Variants in HIVEP3 observed in about 807,000 individuals in gnomAD.
HIVEP3 encodes the protein HIVEP zinc finger 3, also known as transcription factor HIVEP3.
Under a neutral mutation model 152.8 loss-of-function variants are expected in HIVEP3, and 49 were observed. The observed-to-expected ratio is 0.32, with a 90% CI of 0.26 to 0.41. The LOEUF (loss-of-function observed/expected upper bound fraction) is 0.41, where lower values mean the gene tolerates loss of function less well. Among genes scored for constraint, HIVEP3 ranks in the 10% least tolerant of loss-of-function variants. HIVEP3 has a pLI of 1.00. For synonymous variants in HIVEP3, 1,269 were observed against 1,289.0 expected, an observed-to-expected ratio of 0.98 and a Z score of 0.33; for missense variants, 2,790 against 3,103.3, an observed-to-expected ratio of 0.90 and a Z score of 2.40.
chr1:41,691,292 C>T (rs903753789), intron 2 of HIVEP3, among the ~76,000 whole-genome samples: 2 of 152,066 alleles, frequency 1.3e-5, no homozygotes, highest in African/African-American at 4.8e-5. Context: ...ATCATATGTA[C>T]CTACTGTAAA....
At chr1:41,734,001 T>C (rs1646880026) in intron 1 of HIVEP3, among the ~76,000 whole-genome samples, 1 of 151,056 alleles carries the variant, frequency 6.6e-6, no homozygotes. Flanking sequence ...TCCATTCCCC[T>C]TCCTGCCTGG....
intron 1 of HIVEP3, among the ~76,000 whole-genome samples, chr1:41,840,598 C>T (rs562197280): frequency 1.1e-4 from 16 of 152,282 alleles, no homozygotes; most frequent in South Asian, 2.1e-4. Context: ...ATGGCAGCCA[C>T]GAGAAATTAA....
chr1:41,927,367 G>A (rs1463676252), intron 1 of HIVEP3, among the ~76,000 whole-genome samples: 1 of 152,050 alleles, frequency 6.6e-6, no homozygotes, highest in Non-Finnish European at 1.5e-5. Flanking sequence ...GTTCTCTTGT[G>A]GCAACCCATA....
At chr1:41,925,276 T>A (rs979314022) in intron 1 of HIVEP3, among the ~76,000 whole-genome samples, 1 of 152,204 alleles carries the variant, frequency 6.6e-6, no homozygotes, top group Non-Finnish European at 1.5e-5. Context: ...AATTCATGTA[T>A]AACTTTTGAC....
chr1:41,796,486 G>A (rs1390990767), intron 1 of HIVEP3, among the ~76,000 whole-genome samples: 1 of 152,246 alleles, frequency 6.6e-6, no homozygotes, highest in African/African-American at 2.4e-5. Flanking sequence ...TAAAATGAGG[G>A]GTTAAATTAG....
At chr1:41,824,784 T>TAGAGAGAGAGAGAGAGAGAG (rs397979993) in intron 1 of HIVEP3, among the ~76,000 whole-genome samples, 1 of 11,394 alleles carries the variant, frequency 8.8e-5, no homozygotes, top group Non-Finnish European at 1.6e-4. Context: ...TATATATATA[T>TAGAGAGAGAGAGAGAGAGAG]AGAGAGAGAG....
intron 7 of HIVEP3, among the ~76,000 whole-genome samples, chr1:41,516,606 G>A (rs1245670040): frequency 6.6e-6 from 1 of 152,202 alleles, no homozygotes; most frequent in Non-Finnish European, 1.5e-5. Context: ...CCACGGCACA[G>A]GCCAGAGGAC....
At position 41,510,948 on chromosome 1, in the gene HIVEP3, C is replaced by T. The variant is rs769169032; in HGVS notation, c.6724G>A (p.Gly2242Ser). The change falls in exon 9 of 9, where the codon GGC becomes AGC. Residue 2242 changes from glycine to serine, a missense_variant. Around this residue, in one of 9 missense-constraint regions of HIVEP3, gnomAD observed 816 missense variants for 806.5 expected, o/e 1.01. Coordinates refer to ENST00000372583, the MANE Select transcript of HIVEP3 (RefSeq NM_024503.5). ...LTGAREAQER[G>S]RWSPTESSSA... ...GAGCTCTCAGTGGGACTCCAGCGGC[C>T]TCGCTCCTGGGCCTCCCGGGCCCCT... The T allele has an allele frequency of 2.5e-6, 4 of 1,613,580 alleles. No individual in the cohort carries two copies. The highest frequency in any genetic ancestry group is 2.7e-5 in the African/African-American group (2 of 75,038).
chr1:42,017,223 A>G (rs1405065409), intron 1 of HIVEP3, among the ~76,000 whole-genome samples: 8 of 152,100 alleles, frequency 5.3e-5, no homozygotes, highest in African/African-American at 1.2e-4. Flanking sequence ...TTAATTGTGG[A>G]CCTTTCATTT....
At chr1:41,766,801 C>T (rs936374671) in intron 1 of HIVEP3, among the ~76,000 whole-genome samples, 1 of 152,178 alleles carries the variant, frequency 6.6e-6, no homozygotes, top group African/African-American at 2.4e-5. Context: ...TAATGGACTC[C>T]AACATACCTC....
At chr1:41,617,448 G>A (rs1644986024) in intron 3 of HIVEP3, among the ~76,000 whole-genome samples, 1 of 152,176 alleles carries the variant, frequency 6.6e-6, no homozygotes, top group Non-Finnish European at 1.5e-5. Flanking sequence ...CAACCCCTGG[G>A]GTGGTTGAGG....
chr1:41,736,057 G>A (rs1422116184), intron 1 of HIVEP3, among the ~76,000 whole-genome samples: 1 of 152,162 alleles, frequency 6.6e-6, no homozygotes, highest in Non-Finnish European at 1.5e-5. Context: ...CCTTTTCCAT[G>A]CTCAATGAGG....
chr1:41,510,989 C>T lies in HIVEP3; in HGVS notation c.6683G>A (p.Gly2228Asp), dbSNP rs753786645. The T allele has an allele frequency of 1.4e-5, 23 of 1,613,490 alleles. No individual in the cohort carries two copies. Among genetic ancestry groups the T allele is most frequent in the Non-Finnish European group, 1.9e-5 (22 of 1,179,774 alleles). The change falls in exon 9 of 9, where the codon GGT (glycine) becomes GAT (aspartate). Residue 2228 changes from glycine to aspartate, a missense_variant. Gly to Asp is a moderately conservative substitution (Grantham distance 94). Coordinates refer to ENST00000372583, the MANE Select transcript of HIVEP3 (RefSeq NM_024503.5). ...TAAWVSGFSG[G>D]GSDLTGAREA... The stretch of plus-strand genomic sequence containing the variant: ...CCGGGCCCCTGTCAGGTCGCTGCCA[C>T]CCCCGGAGAAGCCACTGACCCAGGC...
At chr1:41,605,964 G>A (rs2149128495) in intron 3 of HIVEP3, among the ~76,000 whole-genome samples, 1 of 152,328 alleles carries the variant, frequency 6.6e-6, no homozygotes, top group Non-Finnish European at 1.5e-5. Flanking sequence ...GGACAGATGT[G>A]TTAGGATGGC....
In HIVEP3 at chr1:41,666,327, G is replaced by C. The variant is rs955625504; in HGVS notation, c.-721+34589C>G. Reference sequence around the variant, plus strand: ...CTCCAGCCTGAGAACTGTGTTTCCAGCTTCCTGACTTAACTTGATGCTGTG... The same window carrying C: ...CTCCAGCCTGAGAACTGTGTTTCCACCTTCCTGACTTAACTTGATGCTGTG... On this transcript the variant is annotated intron_variant, in intron 2 of 8. Coordinates refer to ENST00000372583, the MANE Select transcript of HIVEP3 (RefSeq NM_024503.5). Among the ~76,000 whole-genome samples the C allele has an allele frequency of 4.6e-5, 7 of 152,144 alleles. 1 individual carries two copies. Among genetic ancestry groups the C allele is most frequent in the Non-Finnish European group, 8.8e-5 (6 of 68,030 alleles).
At chr1:41,738,611 C>A (rs939264678) in intron 1 of HIVEP3, among the ~76,000 whole-genome samples, 1 of 152,164 alleles carries the variant, frequency 6.6e-6, no homozygotes, top group Non-Finnish European at 1.5e-5. Context: ...CATGATCCAT[C>A]AGCTCACAGG....
chr1:41,733,705 G>A (rs1646876087), intron 1 of HIVEP3, among the ~76,000 whole-genome samples: 1 of 152,238 alleles, frequency 6.6e-6, no homozygotes, highest in Non-Finnish European at 1.5e-5. Flanking sequence ...GAAAGTGCCA[G>A]GCAGGGAAGC....
chr1:41,766,388 C>T (rs543349572), intron 1 of HIVEP3, among the ~76,000 whole-genome samples: 1 of 152,308 alleles, frequency 6.6e-6, no homozygotes, highest in Admixed American at 6.5e-5. Context: ...CCAAAAATGT[C>T]AATAGTGCTG....
chr1:41,917,667 G>C (rs1358079800), intron 1 of HIVEP3, among the ~76,000 whole-genome samples: 1 of 152,194 alleles, frequency 6.6e-6, no homozygotes, highest in Non-Finnish European at 1.5e-5. Flanking sequence ...GGCACCATCA[G>C]TGTTTCCATT....
Sources: gnomAD v4.1 joint callset for allele counts (sites outside exome capture counted in the v4.1 genomes callset) on GRCh38, gnomAD v4.1.1 for gene constraint, gnomAD v4.1.1 regional missense constraint, MANE v1.5 for transcripts, NCBI Gene and HGNC (gene_info 2026-07-23, HGNC 2026-07-21) for gene names.